Variants in NEUROD1 observed in about 807,000 individuals in gnomAD.
NEUROD1 encodes the protein neuronal differentiation 1, also known as neurogenic differentiation factor 1.
NEUROD1 carries 9 observed loss-of-function variants against 21.8 expected under a neutral mutation model. That is an observed-to-expected ratio of 0.41 (90% CI 0.25 to 0.72). NEUROD1 has a LOEUF of 0.72. Ranked by LOEUF, NEUROD1 falls within the 30% of genes least tolerant of loss-of-function variation. NEUROD1 has a pLI of 0.31. For synonymous variants in NEUROD1, 199 were observed against 186.2 expected (o/e 1.07, Z -0.56); for missense variants, 434 against 468.8 (o/e 0.93, Z 0.69).
chr2:181,668,542 A>G (rs1182971666), downstream of NEUROD1, among the ~76,000 whole-genome samples: 2 of 152,106 alleles, frequency 1.3e-5, no homozygotes, highest in Non-Finnish European at 1.5e-5. Context: ...ACCCAGATCT[A>G]CAAGTTCGTT....
rs748334227 is a variant in NEUROD1 at position 181,678,217 on chromosome 2, G to A, written c.644C>T (p.Pro215Leu). The A allele has an allele frequency of 6.8e-6, 11 of 1,614,190 alleles. No homozygotes were observed. The highest frequency in any genetic ancestry group is 6.7e-5 in the African/African-American group (5 of 75,066). ...PHLPTASASF[P>L]VHPYSYQSPG... is the part of the protein sequence containing the mutation. ...CGACTGGTAGGAGTAGGGGTGTACA[G>A]GGAAGGAAGCGCTGGCCGTCGGCAG... The change falls in exon 2 of 2, where the codon CCT becomes CTT. Residue 215 changes from proline to leucine, a missense_variant. Physicochemically the swap from Pro to Leu is moderately conservative, Grantham distance 98 (BLOSUM62 -3). Coordinates refer to ENST00000295108, the MANE Select transcript of NEUROD1 (RefSeq NM_002500.5). This position sits in a 1 kb window ranked among gnomAD's most constrained non-coding sequence, Gnocchi z 5.5.
rs1377379729 is a variant in NEUROD1 at position 181,680,301 on chromosome 2, A to G, written c.-12+129T>C. 3 of 152,370 alleles carry G rather than the reference A, an allele frequency of 2.0e-5. No homozygotes were observed. The East Asian group carries it at 5.8e-4, about 29-fold the overall frequency. 9.4% of individuals were successfully genotyped at this position (152,370 alleles called of 1,614,324 possible). Reference sequence around the variant, plus strand: ...TATGTGTGAGTACTTATGGGCAATTATGGAGGGGGATGCTGGTCTCAATAC... The same window carrying G: ...TATGTGTGAGTACTTATGGGCAATTGTGGAGGGGGATGCTGGTCTCAATAC... On this transcript the variant is annotated intron_variant, in intron 1 of 1. Transcript: ENST00000295108.
Position 181,678,728 on chromosome 2 carries a change from T to C in NEUROD1, c.133A>G (p.Thr45Ala), listed in dbSNP as rs1801262. ...EADKKEDDLETMNAEEDSLRN... is the reference protein window; with the variant it reads ...EADKKEDDLEAMNAEEDSLRN... ...AGTGAGTCCTCCTCTGCGTTCATGG[T>C]TTCGAGGTCGTCCTCCTTCTTGTCT... Residue 45 changes from threonine (T) to alanine (A), a missense_variant, in exon 2 of 2, where the codon ACC (threonine) becomes GCC (alanine). Coordinates refer to ENST00000295108, the MANE Select transcript of NEUROD1 (RefSeq NM_002500.5). The surrounding 1 kb of genome is among the most constrained non-coding windows in gnomAD (Gnocchi z 5.5). 1,064,700 of 1,611,182 alleles carry C rather than the reference T, an allele frequency of 0.66. 356,278 individuals carry two copies. Among genetic ancestry groups the C allele is most frequent in the East Asian group, 0.92 (41,172 of 44,808 alleles).
chr2:181,672,211 A>C, downstream of NEUROD1, among the ~76,000 whole-genome samples: 1 of 152,220 alleles, frequency 6.6e-6, no homozygotes, highest in East Asian at 1.9e-4. Flanking sequence ...TGATCCTCAA[A>C]AAGGAAGTGG....
chr2:181,677,765 C>A lies in NEUROD1; in HGVS notation c.*25G>T, dbSNP rs1329502990. 2.5e-6 allele frequency: 4 copies of A among 1,613,962 alleles called. No homozygotes were observed. The highest frequency in any genetic ancestry group is 3.4e-6 in the Non-Finnish European group (4 of 1,180,022). Reference sequence around the variant, plus strand: ...CTGTAAGCACAGTGGGTTCGTTTCCCGGAAATGGTGAAACTGGCGTGCCTC... The same window carrying A: ...CTGTAAGCACAGTGGGTTCGTTTCCAGGAAATGGTGAAACTGGCGTGCCTC... On this transcript the variant is annotated 3_prime_UTR_variant, in exon 2 of 2. Coordinates refer to ENST00000295108, the MANE Select transcript of NEUROD1 (RefSeq NM_002500.5).
rs1169399914 is a variant in NEUROD1, at chr2:181,680,443, A to T, written c.-25T>A. 1 of 152,278 alleles carries T rather than the reference A, an allele frequency of 6.6e-6. No individual in the cohort carries two copies. The highest frequency in any genetic ancestry group is 1.5e-5 in the Non-Finnish European group (1 of 68,058). 9.4% of individuals were successfully genotyped at this position (152,278 alleles called of 1,614,324 possible). On this transcript the variant is annotated 5_prime_UTR_variant, in exon 1 of 2. Coordinates refer to ENST00000295108, the MANE Select transcript of NEUROD1 (RefSeq NM_002500.5). ...AACTGTAATTACCTTTGTTGTTAGTAGGTCCTGAGCAGTGATAGTCTCATA... is the reference window on the plus strand; with the variant it reads ...AACTGTAATTACCTTTGTTGTTAGTTGGTCCTGAGCAGTGATAGTCTCATA...
At chr2:181,670,131 G>A (rs1188644965), downstream of NEUROD1, among the ~76,000 whole-genome samples, 1 of 152,056 alleles carries the variant, frequency 6.6e-6, no homozygotes, top group African/African-American at 2.4e-5. Flanking sequence ...TAATATATAT[G>A]CTAATCCACA....
Position 181,678,575 on chromosome 2 carries a change from G to T in NEUROD1, c.286C>A (p.Leu96Met). Residue 96 changes from leucine to methionine, a missense_variant, in exon 2 of 2, where the codon CTG becomes ATG. Physicochemically the swap from Leu to Met is conservative, Grantham distance 15. Transcript: ENST00000295108. The surrounding 1 kb of genome is among the most constrained non-coding windows in gnomAD (Gnocchi z 5.5). ...PKKKKMTKAR[L>M]ERFKLRRMKA... is the part of the protein sequence containing the mutation. ...ATGCGTCTCAATTTAAAACGCTCCA[G>T]GCGAGCCTTAGTCATCTTCTTCTTT... The T allele has an allele frequency of 6.2e-7, 1 of 1,614,230 alleles. No homozygotes were observed. The highest frequency in any genetic ancestry group is 8.5e-7 in the Non-Finnish European group (1 of 1,180,048).
downstream of NEUROD1, chr2:181,673,611 G>A (rs543959293): frequency 6.6e-6 from 1 of 152,328 alleles, no homozygotes; most frequent in East Asian, 1.9e-4. Flanking sequence ...AGAGAGAAAA[G>A]GAGAAGTGAG....
chr2:181,678,205 T>C lies in NEUROD1; in HGVS notation c.656A>G (p.Tyr219Cys), dbSNP rs943918674. The stretch of plus-strand genomic sequence containing the variant: ...GGGCAGCCCAGGCGACTGGTAGGAG[T>C]AGGGGTGTACAGGGAAGGAAGCGCT... ...TASASFPVHP[Y>C]SYQSPGLPSP... The change falls in exon 2 of 2, where the codon TAC becomes TGC. Residue 219 changes from tyrosine to cysteine, a missense_variant. Physicochemically the swap from Tyr to Cys is radical, Grantham distance 194. Coordinates refer to ENST00000295108, the MANE Select transcript of NEUROD1 (RefSeq NM_002500.5). This position sits in a 1 kb window ranked among gnomAD's most constrained non-coding sequence, Gnocchi z 5.5. 14 of 1,612,946 alleles carry C rather than the reference T, an allele frequency of 8.7e-6. No individual in the cohort carries two copies. In the East Asian group the frequency reaches 2.9e-4, roughly 33 times the overall value.
chr2:181,670,640 G>A (rs767838270), exon 2 of NEUROD1, among the ~76,000 whole-genome samples: 31 of 152,122 alleles, frequency 2.0e-4, no homozygotes, highest in Non-Finnish European at 3.7e-4. Context: ...GGTGTCAGCA[G>A]GGTTGATTCC....
chr2:181,678,933 C>G lies in NEUROD1; in HGVS notation c.-11-62G>C. 6.3e-7 allele frequency: 1 copy of G among 1,593,022 alleles called. No homozygotes were observed. The highest frequency in any genetic ancestry group is 1.1e-5 in the South Asian group (1 of 89,962). On this transcript the variant is annotated intron_variant, in intron 1 of 1. Transcript: ENST00000295108. This position sits in a 1 kb window ranked among gnomAD's most constrained non-coding sequence, Gnocchi z 5.5. ...GCAGAAAAACGCTATATTCAAAAGC[C>G]AGATACGCCTTCAGCTTCCACTCCC...
rs1409840273 is a variant in NEUROD1 at position 181,678,106 on chromosome 2, G to A, written c.755C>T (p.Ala252Val). 1.2e-6 allele frequency: 2 copies of A among 1,614,084 alleles called. No homozygotes were observed. Among genetic ancestry groups the A allele is most frequent in the East Asian group, 2.2e-5 (1 of 44,896 alleles). The change falls in exon 2 of 2, where the codon GCG (alanine) becomes GTG (valine). Residue 252 changes from alanine (A) to valine (V), a missense_variant. By Grantham distance (64) the Ala-to-Val change is moderately conservative. Transcript: ENST00000295108. This position sits in a 1 kb window ranked among gnomAD's most constrained non-coding sequence, Gnocchi z 5.5. ...AGGGCTTTCAAAGAAGGGCTCCAGC[G>A]CTGCGCTGTAGGCGTGCGGCGGAGG... is the stretch of plus-strand genomic sequence containing the variant. ...VKPPPHAYSA[A>V]LEPFFESPLT... is the part of the protein sequence containing the mutation.
exon 2 of NEUROD1, among the ~76,000 whole-genome samples, chr2:181,671,264 G>A (rs1688494233): frequency 6.6e-6 from 1 of 151,982 alleles, no homozygotes; most frequent in African/African-American, 2.4e-5. Context: ...AAGTAGCCTT[G>A]CCTCTATTAA....
At chr2:181,670,384 C>T (rs1457193622) in exon 2 of NEUROD1, among the ~76,000 whole-genome samples, 4 of 152,118 alleles carry the variant, frequency 2.6e-5, no homozygotes, top group Non-Finnish European at 5.9e-5. Flanking sequence ...GTTTAAATGT[C>T]AAACCCGATA....
intron 1 of NEUROD1, among the ~76,000 whole-genome samples, chr2:181,679,097 G>A (rs1688652883): frequency 6.6e-6 from 1 of 152,162 alleles, no homozygotes; most frequent in Non-Finnish European, 1.5e-5. Context: ...GACTGGGGGA[G>A]GGTAGTGAAT....
chr2:181,670,038 G>A (rs962820259), downstream of NEUROD1, among the ~76,000 whole-genome samples: 20 of 152,162 alleles, frequency 1.3e-4, no homozygotes, highest in African/African-American at 3.4e-4. Flanking sequence ...TTAAAATTAT[G>A]TACTTTAAAA....
At chr2:181,671,498 C>T (rs577107935), downstream of NEUROD1, among the ~76,000 whole-genome samples, 8 of 152,000 alleles carry the variant, frequency 5.3e-5, no homozygotes, top group Non-Finnish European at 8.8e-5. Context: ...GGTACAATCA[C>T]GTCTCACTGC....
chr2:181,678,304 C>T lies in NEUROD1; in HGVS notation c.557G>A (p.Gly186Asp), dbSNP rs1455677035. 3 of 1,614,044 alleles carry T rather than the reference C, an allele frequency of 1.9e-6. No individual in the cohort carries two copies. Among genetic ancestry groups the T allele is most frequent in the Non-Finnish European group, 2.5e-6 (3 of 1,179,968 alleles). ...AGTCCGAGGATTGAGTTGCAGGCAG[C>T]CCGCAACCAGGTTGGTGGTGGGTTG... ...LSQPTTNLVA[G>D]CLQLNPRTFL... The change falls in exon 2 of 2, where the codon GGC becomes GAC. Residue 186 changes from glycine to aspartate, a missense_variant. Gly to Asp is a moderately conservative substitution (Grantham distance 94). Transcript: ENST00000295108. The surrounding 1 kb of genome is among the most constrained non-coding windows in gnomAD (Gnocchi z 5.5).
Sources: gnomAD v4.1 joint callset for allele counts (sites outside exome capture counted in the v4.1 genomes callset) on GRCh38, gnomAD v4.1.1 for gene constraint, Gnocchi (gnomAD v3.1) non-coding constraint, MANE v1.5 for transcripts, NCBI Gene and HGNC (gene_info 2026-07-23, HGNC 2026-07-21) for gene names.